Variants in ORC1 observed in about 807,000 individuals in gnomAD.
ORC1 encodes the protein origin recognition complex subunit 1.
ORC1 carries 61 observed loss-of-function variants against 98.9 expected under a neutral mutation model. The observed-to-expected ratio is 0.62, with a 90% CI of 0.50 to 0.76. ORC1 has a LOEUF of 0.76. ORC1 is among the 30% of genes least tolerant of loss of function. The pLI is 0.00. For synonymous variants in ORC1, 385 were observed against 406.9 expected, an observed-to-expected ratio of 0.95 and a Z score of 0.65; for missense variants, 979 against 1,072.2, an observed-to-expected ratio of 0.91 and a Z score of 1.21.
intron 14 of ORC1, among the ~76,000 whole-genome samples, chr1:52,378,174 G>A (rs557676274): frequency 2.6e-5 from 4 of 152,102 alleles, no homozygotes; most frequent in East Asian, 3.9e-4. Context: ...GTGAAACCCC[G>A]TCTCTACTAA....
At chr1:52,391,991 G>A (rs1647222281) in intron 6 of ORC1, among the ~76,000 whole-genome samples, 1 of 151,418 alleles carries the variant, frequency 6.6e-6, no homozygotes, top group African/African-American at 2.4e-5. Flanking sequence ...GCAAACATAT[G>A]AAAAAATATT....
chr1:52,373,113 C>T lies in ORC1; in HGVS notation c.*68G>A. ...TGCCACTGCACTCCAGCCTGGGCGA[C>T]AGAGCAAGACCCTGTCTCAAAAAAC... On this transcript the variant is annotated 3_prime_UTR_variant, in exon 17 of 17. Transcript: ENST00000371568. 6.6e-7 allele frequency: 1 copy of T among 1,522,234 alleles called. No individual in the cohort carries two copies. The highest frequency in any genetic ancestry group is 1.1e-5 in the South Asian group (1 of 88,566). The allele number at this position is 1,522,234 out of a possible 1,614,324, so 94.3% of individuals were successfully genotyped here.
chr1:52,383,447 G>A lies in ORC1; in HGVS notation c.1986C>T (p.Ile662=). 5 of 1,612,992 alleles carry A rather than the reference G, an allele frequency of 3.1e-6. No homozygotes were observed. The highest frequency in any genetic ancestry group is 4.2e-6 in the Non-Finnish European group (5 of 1,180,036). ...GTCGGCTGGACACCCGGTTCATCATGATTCGCTCTGGCAGGTCCATTGTGT... is the reference window on the plus strand; with the variant it reads ...GTCGGCTGGACACCCGGTTCATCATAATTCGCTCTGGCAGGTCCATTGTGT... ...IANTMDLPER[I]MMNRVSSRLG... is the part of the protein sequence containing the mutation. The change falls in exon 13 of 17, where the codon ATC becomes ATT. Residue 662 remains isoleucine (I), a synonymous_variant. Transcript: ENST00000371568.
chr1:52,396,326 A>T lies in ORC1; in HGVS notation c.441T>A (p.Asn147Lys). 1 of 1,614,054 alleles carries T rather than the reference A, an allele frequency of 6.2e-7. No homozygotes were observed. The highest frequency in any genetic ancestry group is 8.5e-7 in the Non-Finnish European group (1 of 1,179,994). Reference protein sequence around the residue: ...PLAPKDVVPTNLKNEKTLFVK... With the variant: ...PLAPKDVVPTKLKNEKTLFVK... ...CAAAGAGTGTCTTCTCATTTTTCAG[A>T]TTCGTCGGTACCACATCCTTTGGGG... Residue 147 changes from asparagine to lysine, a missense_variant, in exon 5 of 17, where the codon AAT becomes AAA. Asn to Lys is a moderately conservative substitution (Grantham distance 94). Coordinates refer to ENST00000371568, the MANE Select transcript of ORC1 (RefSeq NM_004153.4).
At chr1:52,384,402 T>G (rs1647114023) in intron 11 of ORC1, 148 bp downstream of exon 11, 23 of 770,614 alleles carry the variant, frequency 3.0e-5, no homozygotes, top group Middle Eastern at 4.5e-4. Flanking sequence ...GTAAGAATTC[T>G]GTCTTCCTTG....
chr1:52,381,039 TTTTC>T (rs751846480), intron 14 of ORC1, among the ~76,000 whole-genome samples: 4 of 152,146 alleles, frequency 2.6e-5, no homozygotes, highest in African/African-American at 9.7e-5. Flanking sequence ...GATGTACGGT[TTTTC>T]TTTCTTTCTT....
chr1:52,385,882 G>T lies in ORC1; in HGVS notation c.1451C>A (p.Pro484Gln). ...IRSRSLAAQE[P>Q]ASVLEEARLR... Reference sequence around the variant, plus strand: ...TCGGGCTTCCTCCAGCACACTGGCTGGCTCCTGGGCAGCCAGGCTTCGACT... The same window carrying T: ...TCGGGCTTCCTCCAGCACACTGGCTTGCTCCTGGGCAGCCAGGCTTCGACT... Residue 484 changes from proline to glutamine, a missense_variant, in exon 9 of 17, where the codon CCA becomes CAA. By Grantham distance (76) the Pro-to-Gln change is moderately conservative. Transcript: ENST00000371568. 1 of 1,613,800 alleles carries T rather than the reference G, an allele frequency of 6.2e-7. No homozygotes were observed. The highest frequency in any genetic ancestry group is 8.5e-7 in the Non-Finnish European group (1 of 1,179,932).
At chr1:52,389,867 T>C (rs530323633) in intron 6 of ORC1, among the ~76,000 whole-genome samples, 2 of 152,064 alleles carry the variant, frequency 1.3e-5, no homozygotes, top group Non-Finnish European at 2.9e-5. Context: ...AGTTAAAAAA[T>C]GAGTCCTAGC....
chr1:52,408,771 T>A, upstream of ORC1: 1 of 1,505,468 alleles, frequency 6.6e-7, no homozygotes, highest in Non-Finnish European at 9.1e-7. Flanking sequence ...TGCATTGTCA[T>A]AGACAGTGTG....
upstream of ORC1, among the ~76,000 whole-genome samples, chr1:52,407,611 C>T (rs1222178807): frequency 6.6e-6 from 1 of 152,124 alleles, no homozygotes; most frequent in Non-Finnish European, 1.5e-5. Flanking sequence ...TTAAATATAT[C>T]TTCTTTCTGT....
At chr1:52,379,322 C>A (rs1354339732) in intron 14 of ORC1, among the ~76,000 whole-genome samples, 1 of 150,734 alleles carries the variant, frequency 6.6e-6, no homozygotes, top group Non-Finnish European at 1.5e-5. Context: ...CGGCTCACTG[C>A]AACCTCAGCC....
At chr1:52,403,689 G>C (rs902841927) in intron 1 of ORC1, among the ~76,000 whole-genome samples, 1 of 152,088 alleles carries the variant, frequency 6.6e-6, no homozygotes, top group Non-Finnish European at 1.5e-5. Context: ...AAGTAGGAAG[G>C]GGGCCACCAG....
intron 14 of ORC1, among the ~76,000 whole-genome samples, chr1:52,378,149 A>G (rs1274742488): frequency 6.6e-6 from 1 of 152,104 alleles, no homozygotes; most frequent in Non-Finnish European, 1.5e-5. Context: ...GATAGAGACC[A>G]TCCTGGCTAA....
At chr1:52,378,413 A>G (rs1343501903) in intron 14 of ORC1, among the ~76,000 whole-genome samples, 1 of 151,918 alleles carries the variant, frequency 6.6e-6, no homozygotes, top group African/African-American at 2.4e-5. Flanking sequence ...TAATCCTTTA[A>G]CTTTGGGAGG....
At chr1:52,401,990 C>T in intron 2 of ORC1, 139 bp downstream of exon 2, 1 of 758,200 alleles carries the variant, frequency 1.3e-6, no homozygotes, top group Non-Finnish European at 2.3e-6. Context: ...TTGCATCAAA[C>T]AAAACCCTCC....
In ORC1 at chr1:52,385,269, T is replaced by C. The variant is rs758364231; in HGVS notation, c.1482-7A>G. 1.8e-5 allele frequency: 28 copies of C among 1,588,404 alleles called. No individual in the cohort carries two copies. The highest frequency in any genetic ancestry group is 1.7e-4 in the Middle Eastern group (1 of 6,024). On this transcript the variant is annotated splice_region_variant and splice_polypyrimidine_tract_variant and intron_variant, in intron 9 of 16. Transcript: ENST00000371568. ...TACAGCAGAAACATGCAGCCTACCATTGGTGGTAAACGGGAGAAAAGGAAG... is the reference window on the plus strand; with the variant it reads ...TACAGCAGAAACATGCAGCCTACCACTGGTGGTAAACGGGAGAAAAGGAAG...
At chr1:52,381,621 T>C (rs1647070816) in intron 14 of ORC1, 21 bp downstream of exon 14, 3 of 1,611,002 alleles carry the variant, frequency 1.9e-6, no homozygotes, top group Middle Eastern at 4.1e-4. Flanking sequence ...GACTGATTTA[T>C]GGGTGCAGCT....
In ORC1 at chr1:52,384,703, A is replaced by G. The variant is rs1338170415; in HGVS notation, c.1602T>C (p.Gly534=). ...TGGCAGTCTTCCCTGTCCCAGGGAC[A>G]CCGGAGATGTACATGCACCTAGAGC... The part of the protein sequence containing the change: ...DHTGGCMYIS[G]VPGTGKTATV... The change falls in exon 11 of 17, where the codon GGT becomes GGC. Residue 534 remains glycine, a synonymous_variant. Coordinates refer to ENST00000371568, the MANE Select transcript of ORC1 (RefSeq NM_004153.4). 1.2e-6 allele frequency: 2 copies of G among 1,613,808 alleles called. No homozygotes were observed. Among genetic ancestry groups the G allele is most frequent in the Non-Finnish European group, 1.7e-6 (2 of 1,179,900 alleles).
chr1:52,383,435 C>T lies in ORC1; in HGVS notation c.1998G>A (p.Arg666=). Residue 666 remains arginine (R), a synonymous_variant, in exon 13 of 17, where the codon CGG becomes CGA. Transcript: ENST00000371568. ...TAGAACCTACCAGTCGGCTGGACACCCGGTTCATCATGATTCGCTCTGGCA... is the reference window on the plus strand; with the variant it reads ...TAGAACCTACCAGTCGGCTGGACACTCGGTTCATCATGATTCGCTCTGGCA... The part of the protein sequence containing the change: ...MDLPERIMMN[R]VSSRLGLTRM... 3.1e-6 allele frequency: 5 copies of T among 1,612,660 alleles called. No homozygotes were observed. The highest frequency in any genetic ancestry group is 4.2e-6 in the Non-Finnish European group (5 of 1,180,026).
Sources: allele counts gnomAD v4.1 joint callset (sites outside exome capture counted in the v4.1 genomes callset), GRCh38; gene constraint gnomAD v4.1.1; transcripts MANE v1.5; gene names NCBI Gene and HGNC (gene_info 2026-07-23, HGNC 2026-07-21).